The following HERC4 variants were observed in gnomAD, a reference collection of about 807,000 sequenced individuals.
The protein encoded by HERC4 is HECT and RLD domain containing E3 ubiquitin protein ligase 4, also known as probable E3 ubiquitin-protein ligase HERC4.
In HERC4, 28 loss-of-function variants were observed where a neutral mutation model predicts 124.3. That is an observed-to-expected ratio of 0.23 (90% CI 0.17 to 0.31). The LOEUF is 0.31. Ranked by LOEUF, HERC4 falls within the 10% of genes least tolerant of loss-of-function variation. The pLI, the probability that HERC4 is intolerant of heterozygous loss-of-function variation, is 1.00. For synonymous variants in HERC4, 407 were observed against 421.5 expected, an observed-to-expected ratio of 0.97 and a Z score of 0.42; for missense variants, 713 against 1,229.3, an observed-to-expected ratio of 0.58 and a Z score of 6.28.
At chr10:68,037,838 T>A (rs2039556739) in intron 5 of HERC4, among the ~76,000 whole-genome samples, 1 of 152,170 alleles carries the variant, frequency 6.6e-6, no homozygotes, top group Non-Finnish European at 1.5e-5. Flanking sequence ...AAAGGTTCAA[T>A]ACTGTAAAGA....
intron 4 of HERC4, chr10:68,038,488 G>A (rs2039592794): frequency 5.5e-6 from 1 of 181,384 alleles, no homozygotes. Flanking sequence ...TTATAAAAAC[G>A]TGTTTTTAAA....
At chr10:67,924,845 T>C (rs1284538441) in intron 24 of HERC4, among the ~76,000 whole-genome samples, 1 of 152,230 alleles carries the variant, frequency 6.6e-6, no homozygotes, top group Non-Finnish European at 1.5e-5. Flanking sequence ...TTATTGTAAC[T>C]ATAACATAGC....
chr10:68,040,918 A>C (rs2039732736), intron 4 of HERC4, among the ~76,000 whole-genome samples: 1 of 151,682 alleles, frequency 6.6e-6, no homozygotes, highest in Admixed American at 6.6e-5. Flanking sequence ...AAAAAGAAAA[A>C]AAGAAAAAGA....
At chr10:67,989,009 C>T (rs533387842) in intron 14 of HERC4, among the ~76,000 whole-genome samples, 174 bp from the exon 15 acceptor site, 104 of 151,998 alleles carry the variant, frequency 6.8e-4, no homozygotes, top group Non-Finnish European at 1.2e-3. Flanking sequence ...AACCTCCCCC[C>T]GACCAAGTTA....
intron 9 of HERC4, among the ~76,000 whole-genome samples, chr10:67,999,669 T>C (rs1256668289): frequency 6.6e-6 from 1 of 152,216 alleles, no homozygotes; most frequent in Non-Finnish European, 1.5e-5. Context: ...GAATTCATTA[T>C]GACATAAGAA....
chr10:67,968,435 T>G (rs2035025939), intron 15 of HERC4, among the ~76,000 whole-genome samples: 1 of 151,052 alleles, frequency 6.6e-6, no homozygotes. Context: ...TACAGTGGTG[T>G]GATCTCGGCT....
In HERC4 at chr10:67,922,486, G is replaced by GT. The variant is rs1456457860; in HGVS notation, c.*444dup. ...AATTACAACCATAGAAACTGTACTGGTATCAGAACATAACTATTTTATTAC... is the reference window on the plus strand; with the variant it reads ...AATTACAACCATAGAAACTGTACTGGTTATCAGAACATAACTATTTTATTAC... On this transcript the variant is annotated 3_prime_UTR_variant, in exon 25 of 25. Coordinates refer to ENST00000373700, the MANE Select transcript of HERC4 (RefSeq NM_015601.4). 1 of 152,582 alleles carries GT rather than the reference G, an allele frequency of 6.6e-6. No individual in the cohort carries two copies. Among genetic ancestry groups the GT allele is most frequent in the Non-Finnish European group, 1.5e-5 (1 of 68,520 alleles). 9.5% of individuals were successfully genotyped at this position (152,582 alleles called of 1,614,324 possible).
In HERC4 at chr10:67,922,750, A is replaced by G. The variant is rs542083928; in HGVS notation, c.*181T>C. The stretch of plus-strand genomic sequence containing the variant: ...AAAAAATCCATGGTTCTGTACAATA[A>G]TATTAACAGTTTGTTCATTTTCCTT... On this transcript the variant is annotated 3_prime_UTR_variant, in exon 25 of 25. Coordinates refer to ENST00000373700, the MANE Select transcript of HERC4 (RefSeq NM_015601.4). 24 of 483,418 alleles carry G rather than the reference A, an allele frequency of 5.0e-5. No individual in the cohort carries two copies. The highest frequency in any genetic ancestry group is 3.2e-4 in the African/African-American group (17 of 52,396). 29.9% of individuals were successfully genotyped at this position (483,418 alleles called of 1,614,324 possible).
At chr10:67,993,464 T>A (rs932595443) in intron 9 of HERC4, 1 of 151,764 alleles carries the variant, frequency 6.6e-6, no homozygotes, top group Non-Finnish European at 1.5e-5. Context: ...TGCAGTATGC[T>A]ATGACTGCAT....
chr10:68,028,134 C>A (rs1191993), intron 7 of HERC4, among the ~76,000 whole-genome samples: 68,438 of 149,888 alleles, frequency 0.46, 17,093 homozygotes, highest in East Asian at 0.85. Context: ...TTTTTCCTAG[C>A]GTTATGAGCT....
At chr10:67,986,511 C>A (rs12414598) in intron 15 of HERC4, among the ~76,000 whole-genome samples, 15,707 of 151,548 alleles carry the variant, frequency 0.1, 899 homozygotes, top group South Asian at 0.15. Context: ...CACCACCATA[C>A]CCAGCTAATT....
At chr10:67,955,220 G>T in intron 17 of HERC4, 90 bp from the exon 18 acceptor site, 1 of 1,099,586 alleles carries the variant, frequency 9.1e-7, no homozygotes, top group Admixed American at 2.7e-5. Flanking sequence ...TTAGTTACAG[G>T]TATTCTATAA....
At chr10:68,064,926 C>T (rs995820460) in intron 3 of HERC4, among the ~76,000 whole-genome samples, 2 of 150,670 alleles carry the variant, frequency 1.3e-5, no homozygotes, top group Admixed American at 6.6e-5. Flanking sequence ...GAGTGGAGAT[C>T]GCGCCATGCA....
intron 21 of HERC4, among the ~76,000 whole-genome samples, chr10:67,937,661 T>C (rs1437122389): frequency 6.6e-6 from 1 of 151,920 alleles, no homozygotes; most frequent in Non-Finnish European, 1.5e-5. Flanking sequence ...TCTGTTGTTA[T>C]CTGGATTTGT....
At chr10:67,940,894 T>A (rs758989899) in intron 20 of HERC4, 45 bp downstream of exon 20, 20 of 1,519,774 alleles carry the variant, frequency 1.3e-5, no homozygotes, top group Non-Finnish European at 1.8e-5. Flanking sequence ...CCCCACTTTT[T>A]ACCTCCCAAA....
At chr10:67,929,917 G>A (rs771117837) in intron 23 of HERC4, among the ~76,000 whole-genome samples, 19 of 151,210 alleles carry the variant, frequency 1.3e-4, no homozygotes, top group Non-Finnish European at 2.2e-4. Flanking sequence ...AGGTTCAAGC[G>A]ATTCTCCTGC....
intron 19 of HERC4, among the ~76,000 whole-genome samples, chr10:67,945,457 G>A (rs2033249118): frequency 6.6e-6 from 1 of 152,150 alleles, no homozygotes; most frequent in African/African-American, 2.4e-5. Context: ...AAACTAAATT[G>A]AGTTCTTCAG....
chr10:68,014,224 A>C, intron 8 of HERC4, 38 bp from the exon 9 acceptor site: 2 of 1,467,906 alleles, frequency 1.4e-6, no homozygotes, highest in Non-Finnish European at 1.8e-6. Context: ...ACTTAATGTT[A>C]CCTTCCAACA....
intron 9 of HERC4, among the ~76,000 whole-genome samples, chr10:68,003,328 A>ATT (rs34287961): frequency 0.051 from 6,683 of 130,728 alleles, 412 homozygotes; most frequent in African/African-American, 0.15. Flanking sequence ...TGCCTGACTA[A>ATT]TTTTTTTTTT....
Sources: gnomAD v4.1 joint callset for allele counts (sites outside exome capture counted in the v4.1 genomes callset) on GRCh38, gnomAD v4.1.1 for gene constraint, MANE v1.5 for transcripts, NCBI Gene and HGNC (gene_info 2026-07-23, HGNC 2026-07-21) for gene names.